The following POC1B variants were observed in gnomAD, a reference collection of about 807,000 sequenced individuals.
POC1B encodes the protein POC1 centriolar protein homolog B.
In POC1B, 44 loss-of-function variants were observed where a neutral mutation model predicts 60.6. That is an observed-to-expected ratio of 0.73 (90% confidence interval 0.57 to 0.93). The LOEUF (loss-of-function observed/expected upper bound fraction) is 0.93, where lower values mean the gene tolerates loss of function less well. Ranked by LOEUF, POC1B falls within the 40% of genes least tolerant of loss-of-function variation. The pLI is 0.00. For missense variants in POC1B, 555 were observed against 572.3 expected (o/e 0.97, Z 0.31); for synonymous variants, 180 against 198.9 (o/e 0.90, Z 0.80).
At chr12:89,524,946 T>A in intron 2 of POC1B, 174 bp downstream of exon 2, 1 of 1,020,434 alleles carries the variant, frequency 9.8e-7, no homozygotes, top group Non-Finnish European at 1.4e-6. Flanking sequence ...GGGGCCGGGA[T>A]GGCAGAGGGG....
intron 9 of POC1B, among the ~76,000 whole-genome samples, chr12:89,464,483 GTT>G (rs766668019): frequency 2.1e-5 from 2 of 94,722 alleles, no homozygotes; most frequent in Non-Finnish European, 3.8e-5. Context: ...TTTTATAAGA[GTT>G]TTTTTTTTTT....
intron 9 of POC1B, 41 bp from the exon 10 acceptor site, chr12:89,459,759 C>A (rs756341660): frequency 1.8e-6 from 2 of 1,139,320 alleles, no homozygotes; most frequent in South Asian, 1.9e-5. Context: ...ATTTTCATAC[C>A]ATAAGAAACC....
chr12:89,459,715 TA>T lies in POC1B; in HGVS notation c.1035del (p.Asn346IlefsTer6). 6.6e-7 allele frequency: 1 copy of T among 1,522,190 alleles called. No homozygotes were observed. 94.3% of individuals were successfully genotyped at this position (1,522,190 alleles called of 1,614,324 possible). ...PHEEKVETVE[I>X]NPKLEVIDLQ... ...AAATCGATTACCTCAAGCTTTGGAT[TA>T]ATCTGTGTATATACATAAAAAAAAA... is the stretch of plus-strand genomic sequence containing the variant. On this transcript the variant is annotated frameshift_variant and splice_region_variant, in exon 10 of 12. Coordinates refer to ENST00000313546, the MANE Select transcript of POC1B (RefSeq NM_172240.3). LOFTEE classifies it high-confidence loss of function.
chr12:89,440,352 T>A (rs1453545664), intron 10 of POC1B, among the ~76,000 whole-genome samples: 3 of 152,194 alleles, frequency 2.0e-5, no homozygotes, highest in African/African-American at 7.2e-5. Context: ...TCTCCACGTA[T>A]CTACCACTGC....
intron 2 of POC1B, chr12:89,524,548 A>G (rs746288548): frequency 1.1e-5 from 18 of 1,610,810 alleles, no homozygotes; most frequent in Non-Finnish European, 1.4e-5. Flanking sequence ...CCTCACCGCC[A>G]TCCGGATTCT....
At chr12:89,406,121 T>C in the POC1B span, among the ~76,000 whole-genome samples, 1 of 151,704 alleles carries the variant, frequency 6.6e-6, no homozygotes, top group Non-Finnish European at 1.5e-5. Context: ...CCACATCTCA[T>C]TAGAGAAGAC....
At chr12:89,452,297 C>A (rs536636588) in intron 10 of POC1B, among the ~76,000 whole-genome samples, 2 of 152,184 alleles carry the variant, frequency 1.3e-5, no homozygotes, top group South Asian at 4.1e-4. Flanking sequence ...AGAAATAATA[C>A]CTGGAACACC....
chr12:89,414,397 C>A, the POC1B span, among the ~76,000 whole-genome samples: 1 of 152,194 alleles, frequency 6.6e-6, no homozygotes, highest in African/African-American at 2.4e-5. Flanking sequence ...TAGTTGTGCA[C>A]ATACCCCTGC....
At chr12:89,402,022 C>G in the POC1B span, among the ~76,000 whole-genome samples, 1 of 152,150 alleles carries the variant, frequency 6.6e-6, no homozygotes, top group Non-Finnish European at 1.5e-5. Flanking sequence ...ATTTATCACC[C>G]CAAGGAGATG....
intron 10 of POC1B, among the ~76,000 whole-genome samples, chr12:89,436,746 A>G (rs10777162): frequency 0.21 from 31,331 of 151,976 alleles, 3,455 homozygotes; most frequent in South Asian, 0.35. Context: ...AACCCAAAAA[A>G]CAAAAAAAAC....
intron 10 of POC1B, among the ~76,000 whole-genome samples, chr12:89,456,903 A>G (rs1882284053): frequency 6.6e-6 from 1 of 152,208 alleles, no homozygotes; most frequent in South Asian, 2.1e-4. Flanking sequence ...GAGGCCAACT[A>G]TTTCTTACAC....
rs1880719231 is a variant in POC1B, at chr12:89,425,343, C to A, written c.1150G>T (p.Gly384Cys). 6.2e-7 allele frequency: 1 copy of A among 1,614,068 alleles called. No individual in the cohort carries two copies. Among genetic ancestry groups the A allele is most frequent in the East Asian group, 2.2e-5 (1 of 44,884 alleles). The change falls in exon 11 of 12, where the codon GGT becomes TGT. Residue 384 changes from glycine (G) to cysteine (C), a missense_variant. Gly to Cys is a radical substitution (Grantham distance 159). Coordinates refer to ENST00000313546, the MANE Select transcript of POC1B (RefSeq NM_172240.3). Reference protein sequence around the residue: ...ETSGRTLPDKGEEACGYFLNP... With the variant: ...ETSGRTLPDKCEEACGYFLNP... ...AAGAAATATCCACAGGCCTCTTCAC[C>A]CTTGTCTGGCAGAGTCCTACCACTG...
chr12:89,502,900 G>A (rs1869647414), intron 2 of POC1B, among the ~76,000 whole-genome samples: 1 of 152,040 alleles, frequency 6.6e-6, no homozygotes, highest in Admixed American at 6.6e-5. Flanking sequence ...AAAATCTCCT[G>A]AATGAGGAAA....
downstream of POC1B, among the ~76,000 whole-genome samples, chr12:89,418,375 T>G (rs1220992941): frequency 1.3e-5 from 2 of 152,062 alleles, no homozygotes; most frequent in Admixed American, 1.3e-4. Flanking sequence ...CGTCTTGGCC[T>G]TTTACTCTGG....
At chr12:89,525,080 T>C (rs1269890491) in intron 2 of POC1B, 40 bp downstream of exon 2, 1 of 1,612,900 alleles carries the variant, frequency 6.2e-7, no homozygotes, top group East Asian at 2.2e-5. Flanking sequence ...GCCCATGGAG[T>C]TTAGTCTCAT....
intron 2 of POC1B, among the ~76,000 whole-genome samples, chr12:89,498,443 T>C (rs1869370464): frequency 6.6e-6 from 1 of 152,208 alleles, no homozygotes; most frequent in Admixed American, 6.5e-5. Flanking sequence ...TAAATCTGGA[T>C]TGTAGAGTGC....
downstream of POC1B, among the ~76,000 whole-genome samples, chr12:89,416,150 G>C (rs73450554): frequency 6.6e-6 from 1 of 152,194 alleles, no homozygotes; most frequent in Non-Finnish European, 1.5e-5. Context: ...AGATGACAAC[G>C]CCTGCCTTTT....
At chr12:89,468,430 A>G (rs1202866411) in intron 7 of POC1B, among the ~76,000 whole-genome samples, 2 of 152,156 alleles carry the variant, frequency 1.3e-5, no homozygotes, top group Admixed American at 1.3e-4. Context: ...AATATATACC[A>G]TATGTTTTTA....
At position 89,495,624 on chromosome 12, in the gene POC1B, C is replaced by T. The variant is rs536814966; in HGVS notation, c.272+1547G>A. Among the ~76,000 whole-genome samples the T allele has an allele frequency of 2.0e-5, 3 of 152,190 alleles. No individual in the cohort carries two copies. In the South Asian group the frequency reaches 6.2e-4, roughly 32 times the overall value. On this transcript the variant is annotated intron_variant, in intron 3 of 11. Transcript: ENST00000313546. Reference sequence around the variant, plus strand: ...ATTCTTATCTTCTAAAGCAGTGGTCCCCAGTCTTTTTGGCACCAGAGACCA... The same window carrying T: ...ATTCTTATCTTCTAAAGCAGTGGTCTCCAGTCTTTTTGGCACCAGAGACCA...
Sources: allele counts gnomAD v4.1 joint callset (sites outside exome capture counted in the v4.1 genomes callset), GRCh38; gene constraint gnomAD v4.1.1; transcripts MANE v1.5; gene names NCBI Gene and HGNC (gene_info 2026-07-23, HGNC 2026-07-21).